The following PTK2 variants were observed in gnomAD, a reference collection of about 807,000 sequenced individuals.
PTK2 encodes protein tyrosine kinase 2.
A neutral mutation model predicts 150.1 loss-of-function variants in PTK2; 45 were observed. That is an observed-to-expected ratio of 0.30 (90% CI 0.24 to 0.38). The LOEUF (loss-of-function observed/expected upper bound fraction) is 0.38. Among genes scored for constraint, PTK2 ranks in the 10% least tolerant of loss-of-function variants. The pLI is 1.00. For missense variants in PTK2, 919 were observed against 1,307.3 expected, an observed-to-expected ratio of 0.70 and a Z score of 4.58; for synonymous variants, 432 against 449.2, an observed-to-expected ratio of 0.96 and a Z score of 0.48.
At chr8:140,937,574 T>C (rs2100174084) in intron 1 of PTK2, among the ~76,000 whole-genome samples, 1 of 135,458 alleles carries the variant, frequency 7.4e-6, no homozygotes, top group African/African-American at 2.7e-5. Context: ...ATGCCATCTT[T>C]AAGTAAACAA....
At chr8:140,709,351 A>C (rs1380798927) in intron 23 of PTK2, among the ~76,000 whole-genome samples, 5 of 152,260 alleles carry the variant, frequency 3.3e-5, no homozygotes, top group Non-Finnish European at 7.3e-5. Flanking sequence ...AAAAGGTAAA[A>C]AGTTGAAAAT....
chr8:140,769,353 A>G (rs2154556829), intron 14 of PTK2, among the ~76,000 whole-genome samples: 1 of 152,356 alleles, frequency 6.6e-6, no homozygotes, highest in African/African-American at 2.4e-5. Flanking sequence ...TTTACTAGGA[A>G]TACATACAAC....
intron 1 of PTK2, among the ~76,000 whole-genome samples, chr8:140,995,403 A>G (rs1281964458): frequency 2.0e-5 from 3 of 151,380 alleles, no homozygotes; most frequent in Non-Finnish European, 4.4e-5. Context: ...AAAAAAAGAA[A>G]AGAAACTCTA....
chr8:140,927,940 GAAAAAAAAAAA>G (rs779534564), intron 1 of PTK2, among the ~76,000 whole-genome samples: 1 of 36,274 alleles, frequency 2.8e-5, no homozygotes, highest in African/African-American at 1.1e-4. Flanking sequence ...ATCTCAAAAA[GAAAAAAAAAAA>G]AAAAAAGAAA....
At chr8:140,970,571 A>C (rs930821046) in intron 1 of PTK2, among the ~76,000 whole-genome samples, 2 of 152,252 alleles carry the variant, frequency 1.3e-5, no homozygotes, top group African/African-American at 4.8e-5. Flanking sequence ...CTTCCTGGCA[A>C]ATCTGCCAAG....
chr8:140,956,531 C>T (rs184464674), intron 1 of PTK2, among the ~76,000 whole-genome samples: 25 of 152,284 alleles, frequency 1.6e-4, no homozygotes, highest in African/African-American at 6.0e-4. Context: ...TTGTAGAGTA[C>T]ACGCCTTCTA....
intron 1 of PTK2, among the ~76,000 whole-genome samples, chr8:140,953,614 T>C (rs1266453593): frequency 6.6e-6 from 1 of 152,184 alleles, no homozygotes; most frequent in Non-Finnish European, 1.5e-5. Flanking sequence ...AACTTATAAA[T>C]TGTTTACTTC....
chr8:140,822,501 G>A (rs761963811), intron 8 of PTK2: 2 of 152,146 alleles, frequency 1.3e-5, no homozygotes, highest in Non-Finnish European at 2.9e-5. Context: ...TGAGCAAACA[G>A]AGACTGAAAC....
chr8:140,998,972 T>G (rs1233045186), intron 1 of PTK2, among the ~76,000 whole-genome samples: 1 of 152,186 alleles, frequency 6.6e-6, no homozygotes, highest in Non-Finnish European at 1.5e-5. Context: ...AGAAAACATT[T>G]TAGTATAAAA....
At chr8:140,842,528 A>G (rs1401956468) in intron 7 of PTK2, among the ~76,000 whole-genome samples, 1 of 152,146 alleles carries the variant, frequency 6.6e-6, no homozygotes, top group African/African-American at 2.4e-5. Context: ...AGGTATCACC[A>G]TTATCCCCAT....
exon 22 of PTK2, chr8:140,735,433 C>T (rs1294610092): frequency 3.1e-6 from 5 of 1,614,022 alleles, no homozygotes; most frequent in South Asian, 1.1e-5. Flanking sequence ...CACCATGCAT[C>T]AGTATCTCCC....
chr8:140,963,407 G>A (rs1446462784), intron 1 of PTK2, among the ~76,000 whole-genome samples: 1 of 152,082 alleles, frequency 6.6e-6, no homozygotes, highest in Non-Finnish European at 1.5e-5. Context: ...CAAAAATCCT[G>A]CCCTTAACCA....
At chr8:140,899,442 T>C (rs1400816806) in intron 2 of PTK2, among the ~76,000 whole-genome samples, 1 of 152,190 alleles carries the variant, frequency 6.6e-6, no homozygotes, top group Admixed American at 6.5e-5. Context: ...CTTGGACACA[T>C]ACAACCTATC....
rs116410956 is a variant in PTK2 at position 140,928,753 on chromosome 8, T to A, written c.-121-3004A>T. ...ATGTAGTCAAATTTATGGAAGTAGG[T>A]AGTAGAATGGTGGTTTCCAGAGGAT... On this transcript the variant is annotated intron_variant, in intron 1 of 31. Transcript: ENST00000522684. Among the ~76,000 whole-genome samples, 53 of 152,088 alleles carry A rather than the reference T, an allele frequency of 3.5e-4. 1 individual carries two copies. Among genetic ancestry groups the A allele is most frequent in the African/African-American group, 1.2e-3 (48 of 41,480 alleles).
intron 2 of PTK2, among the ~76,000 whole-genome samples, chr8:140,908,550 A>T (rs1460034970): frequency 6.6e-6 from 1 of 152,244 alleles, no homozygotes; most frequent in Non-Finnish European, 1.5e-5. Flanking sequence ...TTCAGAGGAC[A>T]GGCTGTCTCT....
intron 14 of PTK2, among the ~76,000 whole-genome samples, chr8:140,772,173 A>T (rs1388644645): frequency 1.3e-5 from 2 of 152,226 alleles, no homozygotes; most frequent in Admixed American, 1.3e-4. Context: ...TGGACTTTGT[A>T]TATGATGGCC....
chr8:140,743,840 C>T (rs1173390409), intron 19 of PTK2, among the ~76,000 whole-genome samples: 11 of 150,822 alleles, frequency 7.3e-5, no homozygotes, highest in East Asian at 1.9e-4. Flanking sequence ...GGCAGTGGCA[C>T]GATCTCGGCT....
At chr8:140,978,608 A>G (rs570454536) in intron 1 of PTK2, among the ~76,000 whole-genome samples, 150 of 151,484 alleles carry the variant, frequency 9.9e-4, no homozygotes, top group African/African-American at 3.5e-3. Flanking sequence ...AAGTCAGGAA[A>G]CAACAGGTGC....
chr8:140,836,885 TTAA>T (rs1216672242), intron 7 of PTK2, among the ~76,000 whole-genome samples: 2 of 152,056 alleles, frequency 1.3e-5, no homozygotes, highest in South Asian at 2.1e-4. Context: ...GGCAAACCAC[TTAA>T]TAAGGAATCA....
Sources: gnomAD v4.1 joint callset for allele counts (sites outside exome capture counted in the v4.1 genomes callset) on GRCh38, gnomAD v4.1.1 for gene constraint, MANE v1.5 for transcripts, NCBI Gene and HGNC (gene_info 2026-07-23, HGNC 2026-07-21) for gene names.